The following ANKRD18A variants were observed in gnomAD, a reference collection of about 807,000 sequenced individuals.
ANKRD18A encodes ankyrin repeat domain-containing protein 18A.
In ANKRD18A, 72 loss-of-function variants were observed where a neutral mutation model predicts 110.6. The observed-to-expected ratio is 0.65, with a 90% CI of 0.54 to 0.79. The LOEUF (loss-of-function observed/expected upper bound fraction) is 0.79, where lower values mean the gene tolerates loss of function less well. Ranked by LOEUF, ANKRD18A falls within the 30% of genes least tolerant of loss-of-function variation. The probability of loss-of-function intolerance (pLI) is 0.00; values close to 1 mark genes in which losing one functional copy is unlikely to be tolerated. For synonymous variants in ANKRD18A, 305 were observed against 410.3 expected, an observed-to-expected ratio of 0.74 and a Z score of 3.10; for missense variants, 934 against 1,163.3, an observed-to-expected ratio of 0.80 and a Z score of 2.87.
chr9:38,610,637 T>C (rs1357444662), intron 4 of ANKRD18A, among the ~76,000 whole-genome samples: 1 of 152,218 alleles, frequency 6.6e-6, no homozygotes, highest in African/African-American at 2.4e-5. Flanking sequence ...CGTGTCCCAT[T>C]GGGACATGAC....
At chr9:38,607,775 C>A (rs570854310) in intron 5 of ANKRD18A, among the ~76,000 whole-genome samples, 1 of 152,350 alleles carries the variant, frequency 6.6e-6, no homozygotes, top group South Asian at 2.1e-4. Context: ...TAAGTCCTCG[C>A]TCTGTAACCA....
chr9:38,579,547 AT>A (rs1824059633), intron 12 of ANKRD18A, among the ~76,000 whole-genome samples: 1 of 152,246 alleles, frequency 6.6e-6, no homozygotes, highest in South Asian at 2.1e-4. Flanking sequence ...AAAAAAAGAA[AT>A]ACAAATAGCG....
At position 38,608,478 on chromosome 9, in the gene ANKRD18A, C is replaced by T. The variant is rs1249301828; in HGVS notation, c.741-985G>A. On this transcript the variant is annotated intron_variant, in intron 5 of 15. Coordinates refer to ENST00000399703, the MANE Select transcript of ANKRD18A (RefSeq NM_147195.4). ...TCAGCTCTGTTCTCATTTCACAGAT[C>T]ACCTTACATGAATACTTTTATAATG... 2.0e-5 allele frequency among the ~76,000 whole-genome samples: 3 copies of T among 150,422 alleles called. 1 individual carries two copies. Among genetic ancestry groups the T allele is most frequent in the South Asian group, 4.2e-4 (2 of 4,788 alleles).
At chr9:38,601,541 T>C (rs1460011740) in intron 7 of ANKRD18A, among the ~76,000 whole-genome samples, 2 of 152,206 alleles carry the variant, frequency 1.3e-5, no homozygotes, top group African/African-American at 2.4e-5. Flanking sequence ...TATTCTCTGC[T>C]TCATAATAGT....
chr9:38,569,567 C>T (rs552944239), downstream of ANKRD18A: 3 of 513,522 alleles, frequency 5.8e-6, no homozygotes, highest in South Asian at 8.4e-5. Flanking sequence ...CCCACCACAA[C>T]AGGAGCCTGC....
rs148328437 is a variant in ANKRD18A, at chr9:38,584,412, T to C, written c.2247+1771A>G. On this transcript the variant is annotated intron_variant, in intron 12 of 15. Coordinates refer to ENST00000399703, the MANE Select transcript of ANKRD18A (RefSeq NM_147195.4). ...GGCTGAGGGAGGAAGGGAAAACTAG[T>C]GAAGATAGCTAAATGATGTGGGGTT... Among the ~76,000 whole-genome samples the C allele has an allele frequency of 8.1e-3, 1,229 of 152,262 alleles. 14 individuals carry two copies. The highest frequency in any genetic ancestry group is 0.042 in the South Asian group (201 of 4,826).
At position 38,603,229 on chromosome 9, in the gene ANKRD18A, C is replaced by T. The variant is rs1296963024; in HGVS notation, c.809-17G>A. ...CTGCTGTTTCTGTCAAACATGCAAACTTGTTAGATATTCCTTCTGGAAAAC... is the reference window on the plus strand; with the variant it reads ...CTGCTGTTTCTGTCAAACATGCAAATTTGTTAGATATTCCTTCTGGAAAAC... On this transcript the variant is annotated splice_polypyrimidine_tract_variant and intron_variant, in intron 6 of 15. Transcript: ENST00000399703. 1.4e-5 allele frequency: 21 copies of T among 1,550,716 alleles called. No individual in the cohort carries two copies. The highest frequency in any genetic ancestry group is 1.6e-5 in the Non-Finnish European group (18 of 1,146,514).
At chr9:38,606,794 G>A (rs116211762) in intron 6 of ANKRD18A, among the ~76,000 whole-genome samples, 1,892 of 152,124 alleles carry the variant, frequency 0.012, 38 homozygotes, top group African/African-American at 0.043. Flanking sequence ...AGTCCAATGC[G>A]TAACAATGTA....
chr9:38,591,104 G>C lies in ANKRD18A; in HGVS notation c.2005-2441C>G, dbSNP rs577761906. On this transcript the variant is annotated intron_variant, in intron 10 of 15. Transcript: ENST00000399703. ...GCCTCCAATGTAGCTGGGATTACAG[G>C]CATGCACCACCATGCCCCAGCTGTT... Among the ~76,000 whole-genome samples the C allele has an allele frequency of 3.3e-5, 5 of 151,862 alleles. No individual in the cohort carries two copies. The South Asian group carries it at 1.0e-3, about 32-fold the overall frequency.
downstream of ANKRD18A, chr9:38,567,340 G>C (rs2118585500): frequency 6.6e-6 from 1 of 152,324 alleles, no homozygotes; most frequent in African/African-American, 2.4e-5. Flanking sequence ...TTATTCTGCT[G>C]TAGAAAGCAT....
rs1224933492 is a variant in ANKRD18A at position 38,595,664 on chromosome 9, T to C, written c.1676A>G (p.Gln559Arg). 2 of 1,551,248 alleles carry C rather than the reference T, an allele frequency of 1.3e-6. No homozygotes were observed. The highest frequency in any genetic ancestry group is 3.9e-5 in the Admixed American group (2 of 50,984). Residue 559 changes from glutamine to arginine, a missense_variant, in exon 9 of 16, where the codon CAA (glutamine) becomes CGA (arginine). Physicochemically the swap from Gln to Arg is conservative, Grantham distance 43. Around this residue, in one of 4 missense-constraint regions of ANKRD18A, gnomAD observed 630 missense variants for 797.5 expected, o/e 0.79. Transcript: ENST00000399703. ...GCCTTCCTTACGAGCATCCTCTAGT[T>C]GTCGTTCAAGCAAGAGATTTTCAAG... ...QELENLLLER[Q>R]LEDARKEGDN... is the part of the protein sequence containing the mutation.
In ANKRD18A at chr9:38,596,206, T is replaced by A. The variant is rs760386764; in HGVS notation, c.1134A>T (p.Lys378Asn). ...ACCGGGCCACTGTTTTTGTTATCATTTTTTCATTGAGTCTTACACTCTTTT... is the reference window on the plus strand; with the variant it reads ...ACCGGGCCACTGTTTTTGTTATCATATTTTCATTGAGTCTTACACTCTTTT... ...NFEKSVRLNEKMITKTVARYS... is the reference protein window; with the variant it reads ...NFEKSVRLNENMITKTVARYS... The change falls in exon 9 of 16, where the codon AAA (lysine) becomes AAT (asparagine). Residue 378 changes from lysine to asparagine, a missense_variant. This residue lies in a region of ANKRD18A where 630 missense variants were observed against 797.5 expected (regional missense o/e 0.79). Coordinates refer to ENST00000399703, the MANE Select transcript of ANKRD18A (RefSeq NM_147195.4). 48 of 1,536,990 alleles carry A rather than the reference T, an allele frequency of 3.1e-5. No homozygotes were observed. The highest frequency in any genetic ancestry group is 3.9e-5 in the Non-Finnish European group (45 of 1,141,566).
chr9:38,589,764 C>A, intron 10 of ANKRD18A, among the ~76,000 whole-genome samples: 1 of 152,194 alleles, frequency 6.6e-6, no homozygotes, highest in African/African-American at 2.4e-5. Context: ...GAACTCCTTA[C>A]CACATGATCT....
chr9:38,588,245 T>A (rs1444100056), intron 11 of ANKRD18A, among the ~76,000 whole-genome samples: 2 of 152,148 alleles, frequency 1.3e-5, no homozygotes. Context: ...ACCCCGTTTC[T>A]CCCCTTCCAT....
In ANKRD18A at chr9:38,593,770, A is replaced by G. The variant is rs1442807467; in HGVS notation, c.1994T>C (p.Val665Ala). ...TWTSKKKLFQ[V>A]EIQPEEKHEE... ...AAATTCCATACATACTTGAATTTCT[A>G]CTTGAAATAATTTCTTCTTTGAAGT... Residue 665 changes from valine to alanine, a missense_variant, in exon 10 of 16, where the codon GTA (valine) becomes GCA (alanine). Transcript: ENST00000399703. 1 of 1,528,774 alleles carries G rather than the reference A, an allele frequency of 6.5e-7. No homozygotes were observed. The highest frequency in any genetic ancestry group is 2.5e-5 in the East Asian group (1 of 40,434). 94.7% of individuals were successfully genotyped at this position (1,528,774 alleles called of 1,614,324 possible). A position where few individuals can be genotyped will look rare whatever the true frequency, so the allele number is the denominator to read the frequency against.
intron 6 of ANKRD18A, among the ~76,000 whole-genome samples, chr9:38,605,113 T>A (rs1825295029): frequency 6.6e-6 from 1 of 152,198 alleles, no homozygotes; most frequent in Admixed American, 6.5e-5. Context: ...ATAATAACTA[T>A]AAGCTCCCAG....
intron 14 of ANKRD18A, 80 bp from the exon 15 acceptor site, chr9:38,575,778 T>G (rs138739260): frequency 0.011 from 15,276 of 1,432,840 alleles, 112 homozygotes; most frequent in Admixed American, 0.019. Context: ...TTTTAAAAAG[T>G]TGCCCTGAGA....
chr9:38,619,991 C>A (rs1023527787), intron 1 of ANKRD18A, 89 bp downstream of exon 1: 1 of 1,471,270 alleles, frequency 6.8e-7, no homozygotes, highest in Non-Finnish European at 9.0e-7. Flanking sequence ...TGCCCGGCGC[C>A]CTCCAAGGTC....
chr9:38,571,651 A>G lies in ANKRD18A; in HGVS notation c.*394T>C, dbSNP rs1002760414. 2.0e-6 allele frequency: 2 copies of G among 1,014,998 alleles called. No homozygotes were observed. Among genetic ancestry groups the G allele is most frequent in the African/African-American group, 3.5e-5 (2 of 57,892 alleles). 62.9% of individuals were successfully genotyped at this position (1,014,998 alleles called of 1,614,324 possible). ...ATGGTAATAAAAACTGTAAAATGCA[A>G]AGAAGCCCTCGATGACCTTTACTAA... On this transcript the variant is annotated 3_prime_UTR_variant, in exon 16 of 16. Coordinates refer to ENST00000399703, the MANE Select transcript of ANKRD18A (RefSeq NM_147195.4).
Sources: gnomAD v4.1 joint callset for allele counts (sites outside exome capture counted in the v4.1 genomes callset) on GRCh38, gnomAD v4.1.1 for gene constraint, gnomAD v4.1.1 regional missense constraint, MANE v1.5 for transcripts, NCBI Gene and HGNC (gene_info 2026-07-23, HGNC 2026-07-21) for gene names.